CSNK2A1: variants seen among roughly 807,000 people sequenced by gnomAD.
CSNK2A1 encodes the protein casein kinase 2 alpha 1, also known as casein kinase II subunit alpha.
CSNK2A1 carries 10 observed loss-of-function variants against 62.9 expected under a neutral mutation model. That is an observed-to-expected ratio of 0.16 (90% CI 0.10 to 0.27). CSNK2A1 has a LOEUF of 0.27. Ranked by LOEUF, CSNK2A1 falls within the 10% of genes least tolerant of loss-of-function variation. The pLI, the probability that CSNK2A1 is intolerant of heterozygous loss-of-function variation, is 1.00. For synonymous variants in CSNK2A1, 124 were observed against 167.8 expected (o/e 0.74, Z 2.02); for missense variants, 160 against 492.0 (o/e 0.33, Z 6.38).
intron 2 of CSNK2A1, among the ~76,000 whole-genome samples, chr20:516,422 G>A (rs753218951): frequency 7.5e-4 from 114 of 152,078 alleles, no homozygotes; most frequent in Non-Finnish European, 6.6e-4. Flanking sequence ...AGATCACATC[G>A]AAGCCAACTG....
intron 1 of CSNK2A1, among the ~76,000 whole-genome samples, chr20:534,389 ATTCTTT>A (rs1380359663): frequency 6.6e-6 from 1 of 152,176 alleles, no homozygotes; most frequent in African/African-American, 2.4e-5. Flanking sequence ...TTTCTTCATT[ATTCTTT>A]TACCTGAATG....
At chr20:516,526 C>T (rs2018831818) in intron 2 of CSNK2A1, among the ~76,000 whole-genome samples, 1 of 152,254 alleles carries the variant, frequency 6.6e-6, no homozygotes, top group African/African-American at 2.4e-5. Context: ...TTGCCAAAAT[C>T]ATAAGTTTAC....
intron 2 of CSNK2A1, among the ~76,000 whole-genome samples, chr20:515,314 G>T (rs1004381332): frequency 6.6e-6 from 1 of 152,198 alleles, no homozygotes; most frequent in South Asian, 2.1e-4. Flanking sequence ...ATGGAGATAA[G>T]AGTGCACAAG....
chr20:491,430 G>A (rs1004011003), intron 9 of CSNK2A1, among the ~76,000 whole-genome samples: 1 of 152,192 alleles, frequency 6.6e-6, no homozygotes, highest in Non-Finnish European at 1.5e-5. Context: ...ACTTTGGGGA[G>A]CCAAGGTGTG....
chr20:528,503 C>G (rs1416877355), intron 1 of CSNK2A1, among the ~76,000 whole-genome samples: 1 of 152,204 alleles, frequency 6.6e-6, no homozygotes, highest in Non-Finnish European at 1.5e-5. Context: ...GCAGCCTTGA[C>G]CTCCCAGGCT....
intron 9 of CSNK2A1, among the ~76,000 whole-genome samples, chr20:490,909 A>C (rs34362304): frequency 0.089 from 13,405 of 150,928 alleles, 790 homozygotes; most frequent in Non-Finnish European, 0.14. Context: ...AAAAAAAAAA[A>C]AACCTCCAAA....
Position 481,573 on chromosome 20 carries a change from T to C in CSNK2A1, c.*2388A>G, listed in dbSNP as rs187810690. 147 of 146,560 alleles carry C rather than the reference T, an allele frequency of 1.0e-3. 1 individual carries two copies. The highest frequency in any genetic ancestry group is 3.5e-3 in the African/African-American group (140 of 39,616). 9.1% of individuals were successfully genotyped at this position (146,560 alleles called of 1,614,324 possible). A position where few individuals can be genotyped will look rare whatever the true frequency, so the allele number is the denominator to read the frequency against. On this transcript the variant is annotated 3_prime_UTR_variant, in exon 14 of 14. Coordinates refer to ENST00000217244, the MANE Select transcript of CSNK2A1 (RefSeq NM_177559.3). Reference sequence around the variant, plus strand: ...CTCTTAAGTAGCATTTTTAAAAACTTCTATTTATTTTAAAAGGCTCTTGGG... The same window carrying C: ...CTCTTAAGTAGCATTTTTAAAAACTCCTATTTATTTTAAAAGGCTCTTGGG...
chr20:489,198 C>CT, intron 10 of CSNK2A1: 5 of 181,986 alleles, frequency 2.7e-5, no homozygotes, highest in Non-Finnish European at 5.7e-5. Flanking sequence ...GAAAACTATT[C>CT]TTTCTTTTTT....
Position 477,477 on chromosome 20 carries a change from C to T in CSNK2A1, c.*6484G>A, listed in dbSNP as rs1600358047. 2.6e-5 allele frequency: 4 copies of T among 152,428 alleles called. No individual in the cohort carries two copies. The highest frequency in any genetic ancestry group is 9.6e-5 in the African/African-American group (4 of 41,546). The allele number at this position is 152,428 out of a possible 1,614,324, so 9.4% of individuals were successfully genotyped here. ...TGGGCCTTCCGTGGTATCTTAACCTCATCACCCAGAGGCAACAACAGCTAG... is the reference window on the plus strand; with the variant it reads ...TGGGCCTTCCGTGGTATCTTAACCTTATCACCCAGAGGCAACAACAGCTAG... On this transcript the variant is annotated 3_prime_UTR_variant, in exon 14 of 14. Coordinates refer to ENST00000217244, the MANE Select transcript of CSNK2A1 (RefSeq NM_177559.3).
At chr20:535,300 A>G (rs2019294497) in intron 1 of CSNK2A1, among the ~76,000 whole-genome samples, 1 of 152,224 alleles carries the variant, frequency 6.6e-6, no homozygotes, top group Non-Finnish European at 1.5e-5. Flanking sequence ...AAATAATGAA[A>G]GCATTTTATT....
chr20:524,100 G>A (rs1361211475), intron 2 of CSNK2A1, among the ~76,000 whole-genome samples: 1 of 151,480 alleles, frequency 6.6e-6, no homozygotes, highest in African/African-American at 2.4e-5. Context: ...TTAAAAAAAG[G>A]AAAAAAATTC....
intron 3 of CSNK2A1, 132 bp from the exon 4 acceptor site, chr20:505,361 T>A (rs1206819050): frequency 4.3e-6 from 3 of 703,636 alleles, no homozygotes; most frequent in Non-Finnish European, 6.7e-6. Context: ...GTTTTTTTTT[T>A]TTTTTTTTTT....
At chr20:529,181 C>T (rs1165986690) in intron 1 of CSNK2A1, among the ~76,000 whole-genome samples, 2 of 149,218 alleles carry the variant, frequency 1.3e-5, no homozygotes, top group Admixed American at 7.0e-5. Context: ...TGCACCACCA[C>T]TCCTGGCTAT....
At chr20:524,202 T>C (rs1340393787) in intron 2 of CSNK2A1, among the ~76,000 whole-genome samples, 3 of 151,762 alleles carry the variant, frequency 2.0e-5, no homozygotes, top group African/African-American at 4.8e-5. Flanking sequence ...GGTGGGCAGA[T>C]CACCTGAGGT....
At chr20:523,990 T>C (rs1214295549) in intron 2 of CSNK2A1, among the ~76,000 whole-genome samples, 26 of 151,884 alleles carry the variant, frequency 1.7e-4, no homozygotes, top group Admixed American at 1.6e-3. Flanking sequence ...TATGTCCCAG[T>C]TGTGATGGTA....
rs2018099503 is a variant in CSNK2A1 at position 486,403 on chromosome 20, G to A, written c.1033C>T (p.Pro345Ser). ...GSSSMPGGST[P>S]VSSANMMSGI... ...GACATCATATTGGCGCTGCTGACGG[G>A]CGTACTGCCCCCTGGCATGCTAGAT... The change falls in exon 13 of 14, where the codon CCC (proline) becomes TCC (serine). Residue 345 changes from proline (P) to serine (S), a missense_variant. Coordinates refer to ENST00000217244, the MANE Select transcript of CSNK2A1 (RefSeq NM_177559.3). The A allele has an allele frequency of 6.2e-7, 1 of 1,613,210 alleles. No individual in the cohort carries two copies. Among genetic ancestry groups the A allele is most frequent in the South Asian group, 1.1e-5 (1 of 91,032 alleles).
rs760863406 is a variant in CSNK2A1 at position 481,565 on chromosome 20, T to C, written c.*2396A>G. The C allele has an allele frequency of 2.1e-5, 3 of 146,010 alleles. No individual in the cohort carries two copies. The highest frequency in any genetic ancestry group is 4.4e-5 in the Non-Finnish European group (3 of 67,462). 9.0% of individuals were successfully genotyped at this position (146,010 alleles called of 1,614,324 possible). A position where few individuals can be genotyped will look rare whatever the true frequency, so the allele number is the denominator to read the frequency against. On this transcript the variant is annotated 3_prime_UTR_variant, in exon 14 of 14. Coordinates refer to ENST00000217244, the MANE Select transcript of CSNK2A1 (RefSeq NM_177559.3). ...TGCAGTGACTCTTAAGTAGCATTTT[T>C]AAAAACTTCTATTTATTTTAAAAGG...
intron 2 of CSNK2A1, among the ~76,000 whole-genome samples, chr20:515,337 C>T (rs2018805118): frequency 6.6e-6 from 1 of 152,182 alleles, no homozygotes; most frequent in East Asian, 1.9e-4. Context: ...AGGTTTTGGA[C>T]TTAAGGTTAA....
At chr20:511,293 T>C (rs1036923292) in intron 2 of CSNK2A1, among the ~76,000 whole-genome samples, 10 of 152,174 alleles carry the variant, frequency 6.6e-5, no homozygotes, top group African/African-American at 1.9e-4. Context: ...TGAGCTGTGA[T>C]TGCACCACTG....
Sources: gnomAD v4.1 joint callset for allele counts (sites outside exome capture counted in the v4.1 genomes callset) on GRCh38, gnomAD v4.1.1 for gene constraint, MANE v1.5 for transcripts, NCBI Gene and HGNC (gene_info 2026-07-23, HGNC 2026-07-21) for gene names.